The following PKHD1L1 variants were observed in gnomAD, a reference collection of about 807,000 sequenced individuals.
PKHD1L1 encodes fibrocystin-L.
PKHD1L1 carries 434 observed loss-of-function variants against 462.9 expected under a neutral mutation model. The observed-to-expected ratio is 0.94, with a 90% CI of 0.87 to 1.02. The LOEUF is 1.02. Among genes scored for constraint, PKHD1L1 ranks in the 50% least tolerant of loss-of-function variants. The pLI, the probability that PKHD1L1 is intolerant of heterozygous loss-of-function variation, is 0.00. For missense variants in PKHD1L1, 5,202 were observed against 5,096.1 expected (o/e 1.02, Z -0.63); for synonymous variants, 1,781 against 1,750.0 (o/e 1.02, Z -0.44).
chr8:109,498,091 T>TAGTAAGAGCTA (rs1244870725), intron 65 of PKHD1L1, among the ~76,000 whole-genome samples: 2 of 69,646 alleles, frequency 2.9e-5, no homozygotes, highest in South Asian at 7.1e-4. Context: ...TGTTTTCTTT[T>TAGTAAGAGCTA]TTTTTTTTTT....
chr8:109,466,629 A>T lies in PKHD1L1; in HGVS notation c.8465A>T (p.His2822Leu), dbSNP rs377063079. ...IPHSSLLDPSHCTQEAEWSIG... is the reference protein window; with the variant it reads ...IPHSSLLDPSLCTQEAEWSIG... ...CACAGCTCATTGCTAGACCCTTCTC[A>T]TTGTACTCAGGAAGCTGAGTGGAGC... The change falls in exon 50 of 78, where the codon CAT becomes CTT. Residue 2822 changes from histidine (H) to leucine (L), a missense_variant. Around this residue, in one of 3 missense-constraint regions of PKHD1L1, gnomAD observed 4,497 missense variants for 4,336.8 expected, o/e 1.04. Transcript: ENST00000378402. The T allele has an allele frequency of 1.2e-6, 2 of 1,610,358 alleles. No individual in the cohort carries two copies. Among genetic ancestry groups the T allele is most frequent in the African/African-American group, 2.7e-5 (2 of 74,808 alleles).
intron 4 of PKHD1L1, among the ~76,000 whole-genome samples, chr8:109,383,566 T>C (rs1372768810): frequency 2.0e-5 from 3 of 148,212 alleles, no homozygotes; most frequent in Non-Finnish European, 1.5e-5. Context: ...TGTTCTAATA[T>C]AAGATGAAAT....
chr8:109,508,193 A>T lies in PKHD1L1; in HGVS notation c.11324A>T (p.Asp3775Val). 1 of 1,613,370 alleles carries T rather than the reference A, an allele frequency of 6.2e-7. No individual in the cohort carries two copies. The highest frequency in any genetic ancestry group is 8.5e-7 in the Non-Finnish European group (1 of 1,179,456). ...GCAATGATGGTTATTGAAAGTCTGG[A>T]TCCTGACACAGAAACTCGAAGACTT... is the stretch of plus-strand genomic sequence containing the variant. Reference protein sequence around the residue: ...EYAMMVIESLDPDTETRRLSP... With the variant: ...EYAMMVIESLVPDTETRRLSP... Residue 3775 changes from aspartate to valine, a missense_variant, in exon 70 of 78, where the codon GAT becomes GTT. Transcript: ENST00000378402.
In PKHD1L1 at chr8:109,460,860, C is replaced by T. The variant is rs181426347; in HGVS notation, c.7247-912C>T. ...GGCTTATGAAGGATCTATCTCAGCA[C>T]GGGCTTCTGTGATGTCTGAGGCAGG... On this transcript the variant is annotated intron_variant, in intron 47 of 77. Transcript: ENST00000378402. 1.4e-4 allele frequency among the ~76,000 whole-genome samples: 22 copies of T among 152,238 alleles called. No individual in the cohort carries two copies. In the South Asian group the frequency reaches 3.5e-3, roughly 24 times the overall value.
intron 67 of PKHD1L1, among the ~76,000 whole-genome samples, chr8:109,504,042 C>T (rs979294525): frequency 6.6e-6 from 1 of 152,214 alleles, no homozygotes; most frequent in Admixed American, 6.5e-5. Flanking sequence ...TATGCAAGCA[C>T]TCTCCAGATC....
intron 38 of PKHD1L1, among the ~76,000 whole-genome samples, chr8:109,447,209 C>A (rs150589902): frequency 6.6e-6 from 1 of 152,080 alleles, no homozygotes; most frequent in African/African-American, 2.4e-5. Context: ...GGCGACAGAG[C>A]GAGACTCCAT....
chr8:109,414,180 C>T (rs892430027), intron 21 of PKHD1L1, among the ~76,000 whole-genome samples: 4 of 152,180 alleles, frequency 2.6e-5, no homozygotes, highest in Middle Eastern at 6.8e-3. Context: ...ACAAAAATTT[C>T]ATTTATGGTA....
intron 2 of PKHD1L1, among the ~76,000 whole-genome samples, chr8:109,370,242 C>A (rs1811430491): frequency 6.6e-6 from 1 of 152,052 alleles, no homozygotes; most frequent in Admixed American, 6.5e-5. Flanking sequence ...CTTCAACCTC[C>A]CGAGTAGCTG....
At chr8:109,492,913 C>A (rs1818904353) in intron 62 of PKHD1L1, among the ~76,000 whole-genome samples, 1 of 151,680 alleles carries the variant, frequency 6.6e-6, no homozygotes, top group Admixed American at 6.6e-5. Context: ...TTGTAATTAC[C>A]TAACACTCAT....
rs138349867 is a variant in PKHD1L1, at chr8:109,477,670, T to C, written c.9089+274T>C. Among the ~76,000 whole-genome samples, 197 of 152,246 alleles carry C rather than the reference T, an allele frequency of 1.3e-3. 1 individual carries two copies. Among genetic ancestry groups the C allele is most frequent in the African/African-American group, 4.5e-3 (185 of 41,558 alleles). On this transcript the variant is annotated intron_variant, in intron 53 of 77. Coordinates refer to ENST00000378402, the MANE Select transcript of PKHD1L1 (RefSeq NM_177531.6). ...TAGACCTGGCCCAACTCCCTTATCATATAGACGAGAAAGCTGACACCCAGT... is the reference window on the plus strand; with the variant it reads ...TAGACCTGGCCCAACTCCCTTATCACATAGACGAGAAAGCTGACACCCAGT...
chr8:109,366,576 T>C (rs1811242457), intron 2 of PKHD1L1, among the ~76,000 whole-genome samples: 1 of 152,230 alleles, frequency 6.6e-6, no homozygotes, highest in Non-Finnish European at 1.5e-5. Flanking sequence ...ACCTAAATGT[T>C]TGCGAAGAGG....
At chr8:109,396,946 T>A (rs1175541304) in intron 11 of PKHD1L1, among the ~76,000 whole-genome samples, 1 of 152,224 alleles carries the variant, frequency 6.6e-6, no homozygotes, top group African/African-American at 2.4e-5. Flanking sequence ...AGCAACCTCA[T>A]GTAATATTTA....
intron 54 of PKHD1L1, 108 bp downstream of exon 54, chr8:109,479,747 G>A (rs1818178873): frequency 5.7e-6 from 5 of 873,190 alleles, no homozygotes; most frequent in South Asian, 1.8e-5. Flanking sequence ...AAGAGCAAGT[G>A]TGGAGAAGTG....
At chr8:109,370,396 G>A (rs796099609) in intron 2 of PKHD1L1, among the ~76,000 whole-genome samples, 7 of 152,218 alleles carry the variant, frequency 4.6e-5, no homozygotes, top group African/African-American at 1.7e-4. Context: ...TTGCAGGCGT[G>A]AGCCACCGCA....
chr8:109,458,018 C>T (rs759003556), intron 46 of PKHD1L1, among the ~76,000 whole-genome samples: 1 of 152,076 alleles, frequency 6.6e-6, no homozygotes. Flanking sequence ...CCCATCCACC[C>T]ATTGTCTTGA....
chr8:109,485,929 GT>G (rs1398336877), intron 58 of PKHD1L1, among the ~76,000 whole-genome samples: 1 of 151,860 alleles, frequency 6.6e-6, no homozygotes. Flanking sequence ...TTTGAAAAAT[GT>G]TTCATTGTAA....
intron 44 of PKHD1L1, 110 bp from the exon 45 acceptor site, chr8:109,454,613 A>G: frequency 7.0e-7 from 1 of 1,431,198 alleles, no homozygotes; most frequent in African/African-American, 1.4e-5. Context: ...ACAACTGAGC[A>G]ATTAATTCTC....
intron 17 of PKHD1L1, 49 bp downstream of exon 17, chr8:109,406,527 C>T: frequency 1.4e-6 from 2 of 1,465,940 alleles, no homozygotes; most frequent in Non-Finnish European, 1.8e-6. Flanking sequence ...AATGTATATC[C>T]TGTGCCACTC....
chr8:109,362,728 G>A (rs1225015026), intron 1 of PKHD1L1, 75 bp downstream of exon 1: 2 of 1,477,196 alleles, frequency 1.4e-6, no homozygotes, highest in South Asian at 2.4e-5. Context: ...CGGGGTCCTG[G>A]GAGAGGCAGG....
Sources: allele counts gnomAD v4.1 joint callset (sites outside exome capture counted in the v4.1 genomes callset), GRCh38; gene constraint gnomAD v4.1.1; regional missense constraint gnomAD v4.1.1; transcripts MANE v1.5; gene names NCBI Gene and HGNC (gene_info 2026-07-23, HGNC 2026-07-21).